Variants in HERC2 observed in about 807,000 individuals in gnomAD.
The protein encoded by HERC2 is E3 ubiquitin-protein ligase HERC2.
Under a neutral mutation model 537.7 loss-of-function variants are expected in HERC2, and 102 were observed. That is an observed-to-expected ratio of 0.19 (90% CI 0.16 to 0.22). The LOEUF is 0.22. Ranked by LOEUF, HERC2 falls within the 10% of genes least tolerant of loss-of-function variation. The pLI is 1.00. For missense variants in HERC2, 4,236 were observed against 6,198.2 expected (o/e 0.68, Z 10.63); for synonymous variants, 2,224 against 2,466.2 (o/e 0.90, Z 2.91).
intron 43 of HERC2, 89 bp downstream of exon 43, chr15:28,212,356 C>T (rs1277434442): frequency 3.7e-5 from 29 of 785,224 alleles, no homozygotes; most frequent in African/African-American, 1.7e-4. Context: ...GACTTTAGTA[C>T]GTCCGTGAAT....
chr15:28,288,848 CAAAAAA>C (rs374534381), intron 4 of HERC2, among the ~76,000 whole-genome samples: 4 of 74,934 alleles, frequency 5.3e-5, no homozygotes, highest in Admixed American at 2.9e-4. Flanking sequence ...AACTCCATCT[CAAAAAA>C]AAAAAAAAAA....
intron 2 of HERC2, chr15:28,320,100 C>CA (rs1419077914): frequency 1.3e-5 from 2 of 151,936 alleles, no homozygotes; most frequent in Non-Finnish European, 2.9e-5. Context: ...CTATGAATAA[C>CA]AATCCCATCA....
chr15:28,126,389 C>T (rs1889488245), intron 83 of HERC2, among the ~76,000 whole-genome samples: 1 of 152,200 alleles, frequency 6.6e-6, no homozygotes, highest in South Asian at 2.1e-4. Flanking sequence ...TAGGTACCTA[C>T]CCAGAAGAAA....
chr15:28,256,409 T>C (rs1220568175), intron 17 of HERC2, 92 bp from the exon 18 acceptor site: 3 of 873,246 alleles, frequency 3.4e-6, no homozygotes, highest in African/African-American at 1.7e-5. Context: ...CAATTTCAAG[T>C]ATTATTTAAA....
intron 17 of HERC2, 80 bp downstream of exon 17, chr15:28,256,981 G>T: frequency 8.5e-7 from 1 of 1,177,020 alleles, no homozygotes; most frequent in Non-Finnish European, 1.2e-6. Flanking sequence ...TAAAACCCAT[G>T]CCCTTCAAAA....
chr15:28,251,619 G>A (rs2075086187), intron 20 of HERC2, among the ~76,000 whole-genome samples: 1 of 152,120 alleles, frequency 6.6e-6, no homozygotes, highest in Admixed American at 6.6e-5. Flanking sequence ...TGGCCAACAT[G>A]GTGAAACCCT....
At chr15:28,264,020 C>CAAAAAAAA (rs34823980) in intron 14 of HERC2, among the ~76,000 whole-genome samples, 3 of 83,702 alleles carry the variant, frequency 3.6e-5, no homozygotes, top group African/African-American at 7.2e-5. Context: ...CTTTGTCTTA[C>CAAAAAAAA]AAAAAAAAAA....
In HERC2 at chr15:28,274,900, C is replaced by G. The variant is rs117411594; in HGVS notation, c.643+5G>C. 1.2e-6 allele frequency: 2 copies of G among 1,608,332 alleles called. No individual in the cohort carries two copies. Among genetic ancestry groups the G allele is most frequent in the South Asian group, 2.2e-5 (2 of 91,000 alleles). ...CAGAACAACGCGCCACACCAGGGAC[C>G]GTACCTGATCGCCAGGCCCTGCGCA... On this transcript the variant is annotated splice_donor_5th_base_variant and intron_variant, in intron 6 of 92. Coordinates refer to ENST00000261609, the MANE Select transcript of HERC2 (RefSeq NM_004667.6).
chr15:28,291,689 T>G (rs1567126346), intron 4 of HERC2, among the ~76,000 whole-genome samples: 1 of 151,872 alleles, frequency 6.6e-6, no homozygotes, highest in East Asian at 1.9e-4. Context: ...GGGAAGAGAT[T>G]ATGAAAGTCC....
In HERC2 at chr15:28,165,340, A is replaced by C. The variant is rs530620507; in HGVS notation, c.10555-2055T>G. Among the ~76,000 whole-genome samples the C allele has an allele frequency of 4.6e-5, 7 of 152,340 alleles. No individual in the cohort carries two copies. The South Asian group carries it at 1.2e-3, about 27-fold the overall frequency. On this transcript the variant is annotated intron_variant, in intron 68 of 92. Transcript: ENST00000261609. ...ATCTAAGGGGACTGAACTGTAAGTA[A>C]ATAGCCTGCTGATGACAGGAGCCAG...
At chr15:28,130,961 C>T (rs1890046756) in intron 81 of HERC2, among the ~76,000 whole-genome samples, 2 of 152,162 alleles carry the variant, frequency 1.3e-5, no homozygotes, top group Non-Finnish European at 2.9e-5. Flanking sequence ...CTGCCCCAGC[C>T]CTCTCAGAGC....
intron 10 of HERC2, 43 bp from the exon 11 acceptor site, chr15:28,269,479 A>G (rs2075660645): frequency 6.6e-7 from 1 of 1,512,138 alleles, no homozygotes; most frequent in East Asian, 2.3e-5. Context: ...CAACAACAAC[A>G]ATAAAAAAAG....
At chr15:28,284,919 GAAAAAAAAAAAAA>G (rs551327935) in intron 4 of HERC2, among the ~76,000 whole-genome samples, 16 of 32,544 alleles carry the variant, frequency 4.9e-4, no homozygotes, top group South Asian at 1.4e-3. Context: ...CTCCGTCTCG[GAAAAAAAAAAAAA>G]AAAAAAAAAA....
intron 37 of HERC2, among the ~76,000 whole-genome samples, chr15:28,220,100 C>T (rs1316530599): frequency 6.6e-6 from 1 of 152,208 alleles, no homozygotes; most frequent in South Asian, 2.1e-4. Context: ...AGGGCAATTC[C>T]ACCAGGCCTC....
chr15:28,251,214 G>A (rs1039401382), intron 20 of HERC2, among the ~76,000 whole-genome samples: 10 of 152,142 alleles, frequency 6.6e-5, no homozygotes, highest in Middle Eastern at 3.2e-3. Flanking sequence ...AGGCCAAGGC[G>A]GGCAGATTAC....
chr15:28,265,498 A>C lies in HERC2; in HGVS notation c.1870+120T>G. 2 of 761,872 alleles carry C rather than the reference A, an allele frequency of 2.6e-6. No individual in the cohort carries two copies. The highest frequency in any genetic ancestry group is 4.4e-6 in the Non-Finnish European group (2 of 453,404). 47.2% of individuals were successfully genotyped at this position (761,872 alleles called of 1,614,324 possible). ...CTTCCCCAATGCCACTGAGCCCCAC[A>C]CCCACTGGGCGACAGGGTGGGTGGC... On this transcript the variant is annotated intron_variant, in intron 14 of 92. Transcript: ENST00000261609. This position sits in a 1 kb window ranked among gnomAD's most constrained non-coding sequence, Gnocchi z 4.0.
Position 28,268,693 on chromosome 15 carries a change from G to A in HERC2, c.1447-77C>T, listed in dbSNP as rs530670950. 3 of 1,247,136 alleles carry A rather than the reference G, an allele frequency of 2.4e-6. No individual in the cohort carries two copies. The highest frequency in any genetic ancestry group is 2.1e-5 in the Admixed American group (1 of 47,690). 77.3% of individuals were successfully genotyped at this position (1,247,136 alleles called of 1,614,324 possible). ...AACCAGCTCAGCTCTCCGTTATCAT[G>A]TATCCCCAAGCAAAGCCTGCTGTAA... On this transcript the variant is annotated intron_variant, in intron 11 of 92. Transcript: ENST00000261609. This position sits in a 1 kb window ranked among gnomAD's most constrained non-coding sequence, Gnocchi z 4.7.
At position 28,274,894 on chromosome 15, in the gene HERC2, A is replaced by C; in HGVS notation, c.643+11T>G. On this transcript the variant is annotated intron_variant, in intron 6 of 92. Transcript: ENST00000261609. ...GGGAAGCAGAACAACGCGCCACACC[A>C]GGGACCGTACCTGATCGCCAGGCCC... 6.2e-7 allele frequency: 1 copy of C among 1,603,738 alleles called. No individual in the cohort carries two copies. Among genetic ancestry groups the C allele is most frequent in the East Asian group, 2.2e-5 (1 of 44,794 alleles).
chr15:28,187,889 G>A (rs1483662187), intron 55 of HERC2, among the ~76,000 whole-genome samples: 1 of 152,168 alleles, frequency 6.6e-6, no homozygotes, highest in Non-Finnish European at 1.5e-5. Flanking sequence ...CATGCCTGCT[G>A]TGGTACTGAC....
Sources: allele counts gnomAD v4.1 joint callset (sites outside exome capture counted in the v4.1 genomes callset), GRCh38; gene constraint gnomAD v4.1.1; non-coding constraint Gnocchi (gnomAD v3.1); transcripts MANE v1.5; gene names NCBI Gene and HGNC (gene_info 2026-07-23, HGNC 2026-07-21).